Variants in COL5A1 observed in about 807,000 individuals in gnomAD.
COL5A1 encodes collagen type V alpha 1 chain, also known as collagen alpha-1(V) chain.
COL5A1 carries 16 observed loss-of-function variants against 263.7 expected under a neutral mutation model. The observed-to-expected ratio is 0.06, with a 90% CI of 0.04 to 0.09. The LOEUF (loss-of-function observed/expected upper bound fraction) is 0.09. Ranked by LOEUF, COL5A1 falls within the 10% of genes least tolerant of loss-of-function variation. The pLI, the probability that COL5A1 is intolerant of heterozygous loss-of-function variation, is 1.00. For missense variants in COL5A1, 2,036 were observed against 2,540.5 expected (o/e 0.80, Z 4.27); for synonymous variants, 1,012 against 1,004.5 (o/e 1.01, Z -0.14).
intron 11 of COL5A1, among the ~76,000 whole-genome samples, chr9:134,746,576 G>A (rs973905510): frequency 4.6e-5 from 7 of 152,232 alleles, no homozygotes; most frequent in African/African-American, 1.7e-4. Context: ...TGCAAAGGAC[G>A]TCTGGACGTC....
intron 1 of COL5A1, among the ~76,000 whole-genome samples, chr9:134,666,619 C>T (rs1002183515): frequency 6.6e-6 from 1 of 152,166 alleles, no homozygotes; most frequent in Non-Finnish European, 1.5e-5. Flanking sequence ...GCCTTTGCCT[C>T]TCTTGTTTGG....
chr9:134,797,372 G>T (rs1837950124), intron 36 of COL5A1, among the ~76,000 whole-genome samples: 2 of 152,198 alleles, frequency 1.3e-5, no homozygotes, highest in Admixed American at 1.3e-4. Context: ...TCTCCCGGGG[G>T]CTGGTAGCTG....
intron 39 of COL5A1, among the ~76,000 whole-genome samples, chr9:134,804,338 G>GTA (rs1448214141): frequency 6.6e-6 from 1 of 152,212 alleles, no homozygotes; most frequent in East Asian, 1.9e-4. Context: ...AAGCTTTACT[G>GTA]TACCTCAGGG....
intron 11 of COL5A1, among the ~76,000 whole-genome samples, chr9:134,740,884 G>C (rs1414669253): frequency 3.3e-5 from 5 of 152,194 alleles, no homozygotes; most frequent in Non-Finnish European, 7.3e-5. Context: ...AGGAGCATGA[G>C]GACTGAGGTT....
At chr9:134,748,714 C>A (rs564178105) in intron 11 of COL5A1, among the ~76,000 whole-genome samples, 21 of 152,288 alleles carry the variant, frequency 1.4e-4, no homozygotes, top group African/African-American at 5.1e-4. Context: ...ATTCTTTGAC[C>A]CAGCAGCACT....
At chr9:134,785,895 C>G in intron 30 of COL5A1, 100 bp from the exon 31 acceptor site, 1 of 1,136,838 alleles carries the variant, frequency 8.8e-7, no homozygotes, top group Non-Finnish European at 1.3e-6. Context: ...CCACACCCTC[C>G]TCCAGGCCCC....
chr9:134,777,661 A>G (rs1365626726), intron 27 of COL5A1, among the ~76,000 whole-genome samples: 1 of 152,170 alleles, frequency 6.6e-6, no homozygotes, highest in Non-Finnish European at 1.5e-5. Context: ...GAGGGGTCTC[A>G]GGAGGCTGCG....
intron 12 of COL5A1, 61 bp from the exon 13 acceptor site, chr9:134,750,729 T>C: frequency 1.2e-6 from 2 of 1,602,068 alleles, no homozygotes; most frequent in Non-Finnish European, 1.7e-6. Context: ...CGTCTCAGTC[T>C]GTGGTCTTGC....
At chr9:134,760,337 ACACACCCC>A (rs1373793430) in intron 18 of COL5A1, among the ~76,000 whole-genome samples, 5 of 80,190 alleles carry the variant, frequency 6.2e-5, no homozygotes, top group African/African-American at 2.7e-4. Flanking sequence ...ACACATGCAC[ACACACCCC>A]CACACACCCC....
In COL5A1 at chr9:134,818,796, G is replaced by A. The variant is rs377347096; in HGVS notation, c.4338+33G>A. On this transcript the variant is annotated intron_variant, in intron 55 of 65. Coordinates refer to ENST00000371817, the MANE Select transcript of COL5A1 (RefSeq NM_000093.5). This position sits in a 1 kb window ranked among gnomAD's most constrained non-coding sequence, Gnocchi z 6.0. ...GGCTGTGAGGGGCAGAGGGGTTGCC[G>A]AGTGGAGGGACGGGGGACCAGCAAC... 23 of 1,612,142 alleles carry A rather than the reference G, an allele frequency of 1.4e-5. No individual in the cohort carries two copies. The highest frequency in any genetic ancestry group is 1.2e-4 in the African/African-American group (9 of 74,898).
At chr9:134,828,979 C>T (rs1839450206) in intron 63 of COL5A1, among the ~76,000 whole-genome samples, 1 of 151,292 alleles carries the variant, frequency 6.6e-6, no homozygotes, top group African/African-American at 2.5e-5. Context: ...CACAGACATA[C>T]CCCCCACACC....
At position 134,730,491 on chromosome 9, in the gene COL5A1, C is replaced by T; in HGVS notation, c.1164+16C>T. The T allele has an allele frequency of 1.2e-6, 2 of 1,613,794 alleles. No homozygotes were observed. The highest frequency in any genetic ancestry group is 1.7e-5 in the Admixed American group (1 of 60,032). On this transcript the variant is annotated intron_variant, in intron 7 of 65. Coordinates refer to ENST00000371817, the MANE Select transcript of COL5A1 (RefSeq NM_000093.5). Reference sequence around the variant, plus strand: ...CTCCTCCAATGTAATTTCTTTCCTTCCCATTGGTTTGGTCTGGGGCAGTGG... The same window carrying T: ...CTCCTCCAATGTAATTTCTTTCCTTTCCATTGGTTTGGTCTGGGGCAGTGG...
intron 1 of COL5A1, among the ~76,000 whole-genome samples, chr9:134,661,914 C>T (rs1832217748): frequency 6.6e-6 from 1 of 152,112 alleles, no homozygotes; most frequent in Non-Finnish European, 1.5e-5. Context: ...AGGCGAGTCC[C>T]AGGATGGCAT....
At chr9:134,719,639 C>T (rs184545718) in intron 4 of COL5A1, among the ~76,000 whole-genome samples, 1 of 152,340 alleles carries the variant, frequency 6.6e-6, no homozygotes, top group East Asian at 1.9e-4. Flanking sequence ...ATCTCATGGC[C>T]AGGGCAGGAC....
In COL5A1 at chr9:134,821,908, A is replaced by C. The variant is rs1839017648; in HGVS notation, c.4555-189A>C. Among the ~76,000 whole-genome samples the C allele has an allele frequency of 6.6e-6, 1 of 152,182 alleles. No individual in the cohort carries two copies. Among genetic ancestry groups the C allele is most frequent in the South Asian group, 2.1e-4 (1 of 4,836 alleles). On this transcript the variant is annotated intron_variant, in intron 58 of 65. Transcript: ENST00000371817. This position sits in a 1 kb window ranked among gnomAD's most constrained non-coding sequence, Gnocchi z 4.2. ...GCTGGCAGCCTTGGGGTGGATGCTC[A>C]GGTCGATGGCTCCCCTGACATGCAC...
At position 134,652,499 on chromosome 9, in the gene COL5A1, T is replaced by C. The variant is rs73665730; in HGVS notation, c.109+10203T>C. On this transcript the variant is annotated intron_variant, in intron 1 of 65. Coordinates refer to ENST00000371817, the MANE Select transcript of COL5A1 (RefSeq NM_000093.5). The surrounding 1 kb of genome is among the most constrained non-coding windows in gnomAD (Gnocchi z 4.4). ...ATCATGGCTTCTCAGCCCAGGCCAT[T>C]TGGGGACATGTGGCAATGTCTGGAG... 0.029 allele frequency among the ~76,000 whole-genome samples: 4,340 copies of C among 152,130 alleles called. 208 individuals carry two copies. Among genetic ancestry groups the C allele is most frequent in the African/African-American group, 0.099 (4,106 of 41,482 alleles).
rs776948038 is a variant in COL5A1, at chr9:134,755,916, C to T, written c.1828-849C>T. ...GGTGGTGGGTTGGGGGCAAGGGCCT[C>T]ATATGAGGAGGAGCCCCTGGAAAAT... On this transcript the variant is annotated intron_variant, in intron 16 of 65. Transcript: ENST00000371817. The surrounding 1 kb of genome is among the most constrained non-coding windows in gnomAD (Gnocchi z 4.1). Among the ~76,000 whole-genome samples, 6 of 152,130 alleles carry T rather than the reference C, an allele frequency of 3.9e-5. No homozygotes were observed. Among genetic ancestry groups the T allele is most frequent in the African/African-American group, 9.7e-5 (4 of 41,436 alleles).
Position 134,730,356 on chromosome 9 carries a change from C to G in COL5A1, c.1045C>G (p.Pro349Ala), listed in dbSNP as rs755417576. ...CGTGCCCAGTGAGGACTACTACACGCCCTCACCGTATGATGACCTCACCTA... is the reference window on the plus strand; with the variant it reads ...CGTGCCCAGTGAGGACTACTACACGGCCTCACCGTATGATGACCTCACCTA... ...DYVPSEDYYT[P>A]SPYDDLTYGE... Residue 349 changes from proline (P) to alanine (A), a missense_variant, in exon 7 of 66, where the codon CCC becomes GCC. Physicochemically the swap from Pro to Ala is conservative, Grantham distance 27. This residue lies in a region of COL5A1 where 600 missense variants were observed against 634.5 expected (regional missense o/e 0.95). Coordinates refer to ENST00000371817, the MANE Select transcript of COL5A1 (RefSeq NM_000093.5). 1.2e-6 allele frequency: 2 copies of G among 1,614,226 alleles called. No individual in the cohort carries two copies. The highest frequency in any genetic ancestry group is 3.3e-5 in the Admixed American group (2 of 60,032).
chr9:134,748,238 CAT>C (rs1051454082), intron 11 of COL5A1, among the ~76,000 whole-genome samples: 1 of 151,958 alleles, frequency 6.6e-6, no homozygotes. Context: ...CACCCACACA[CAT>C]GCACACATGC....
Sources: allele counts gnomAD v4.1 joint callset (sites outside exome capture counted in the v4.1 genomes callset), GRCh38; gene constraint gnomAD v4.1.1; regional missense constraint gnomAD v4.1.1; non-coding constraint Gnocchi (gnomAD v3.1); transcripts MANE v1.5; gene names NCBI Gene and HGNC (gene_info 2026-07-23, HGNC 2026-07-21).